Variants in DPP10 observed in about 807,000 individuals in gnomAD.
The protein encoded by DPP10 is dipeptidyl peptidase like 10.
In DPP10, 33 loss-of-function variants were observed where a neutral mutation model predicts 120.9. That is an observed-to-expected ratio of 0.27 (90% CI 0.21 to 0.37). The LOEUF (loss-of-function observed/expected upper bound fraction) is 0.37, where lower values mean the gene tolerates loss of function less well. Ranked by LOEUF, DPP10 falls within the 10% of genes least tolerant of loss-of-function variation. The pLI, the probability that DPP10 is intolerant of heterozygous loss-of-function variation, is 1.00. For synonymous variants in DPP10, 337 were observed against 326.1 expected, an observed-to-expected ratio of 1.03 and a Z score of -0.36; for missense variants, 816 against 942.8, an observed-to-expected ratio of 0.87 and a Z score of 1.76.
Position 115,090,283 on chromosome 2 carries a change from G to A in DPP10, c.61-218956G>A, listed in dbSNP as rs1415610484. ...TTTATCATACGACATTCTGGACAAGGCTCTGTGCATATTTAAAATGTGTAG... is the reference window on the plus strand; with the variant it reads ...TTTATCATACGACATTCTGGACAAGACTCTGTGCATATTTAAAATGTGTAG... On this transcript the variant is annotated intron_variant, in intron 1 of 25. Coordinates refer to ENST00000410059, the MANE Select transcript of DPP10 (RefSeq NM_020868.6). Among the ~76,000 whole-genome samples the A allele has an allele frequency of 4.6e-5, 7 of 152,182 alleles. No homozygotes were observed. In the South Asian group the frequency reaches 1.4e-3, roughly 32 times the overall value.
At chr2:114,912,112 C>T (rs1386783602) in intron 1 of DPP10, among the ~76,000 whole-genome samples, 1 of 152,082 alleles carries the variant, frequency 6.6e-6, no homozygotes, top group Non-Finnish European at 1.5e-5. Context: ...ATTTTATCCT[C>T]ATCTTAGATA....
intron 3 of DPP10, among the ~76,000 whole-genome samples, chr2:115,432,659 T>TTGTGTGTGTG (rs59844767): frequency 0.11 from 15,681 of 137,460 alleles, 1,037 homozygotes; most frequent in South Asian, 0.15. Context: ...ATAGGCAATT[T>TTGTGTGTGTG]TGTGTGTGTG....
chr2:115,468,568 T>G (rs1189299810), intron 3 of DPP10: 1 of 409,628 alleles, frequency 2.4e-6, no homozygotes, highest in Non-Finnish European at 4.7e-6. Flanking sequence ...GTGGGGCTAA[T>G]GTGGTTGATG....
chr2:114,580,282 G>A (rs1690391170), intron 1 of DPP10, among the ~76,000 whole-genome samples: 1 of 152,148 alleles, frequency 6.6e-6, no homozygotes. Context: ...CTCCATACAA[G>A]GTAGACAGTG....
chr2:115,201,984 T>A (rs1187896941), intron 1 of DPP10, among the ~76,000 whole-genome samples: 1 of 152,208 alleles, frequency 6.6e-6, no homozygotes, highest in Non-Finnish European at 1.5e-5. Flanking sequence ...ATGAGGGTAC[T>A]GCATGATTCA....
chr2:114,679,938 G>T (rs1181622322), intron 1 of DPP10, among the ~76,000 whole-genome samples: 1 of 151,976 alleles, frequency 6.6e-6, no homozygotes, highest in African/African-American at 2.4e-5. Flanking sequence ...CAAAGTGCAG[G>T]ATATAGGAAA....
intron 1 of DPP10, among the ~76,000 whole-genome samples, chr2:114,866,678 T>C (rs757373999): frequency 2.0e-5 from 3 of 152,166 alleles, no homozygotes; most frequent in Non-Finnish European, 4.4e-5. Context: ...AGGTGAAAAA[T>C]AAAATGCAAT....
chr2:114,535,568 C>T (rs1686415438), intron 1 of DPP10, among the ~76,000 whole-genome samples: 1 of 152,136 alleles, frequency 6.6e-6, no homozygotes, highest in Non-Finnish European at 1.5e-5. Context: ...AGCGAATGTT[C>T]CTTAACCACA....
rs367903705 is a variant in DPP10, at chr2:115,171,069, C to CTT, written c.61-138168_61-138167dup. Among the ~76,000 whole-genome samples, 790 of 152,232 alleles carry CTT rather than the reference C, an allele frequency of 5.2e-3. 7 individuals carry two copies. Among genetic ancestry groups the CTT allele is most frequent in the African/African-American group, 0.018 (745 of 41,544 alleles). ...TTGATTGACTTTCTGAGAAAGAATA[C>CTT]TTTGATATTGGCTGGGCACAGTGGC... is the stretch of plus-strand genomic sequence containing the variant. On this transcript the variant is annotated intron_variant, in intron 1 of 25. Coordinates refer to ENST00000410059, the MANE Select transcript of DPP10 (RefSeq NM_020868.6).
intron 1 of DPP10, among the ~76,000 whole-genome samples, chr2:115,074,185 T>A (rs534832369): frequency 1.6e-3 from 236 of 152,212 alleles, no homozygotes; most frequent in Non-Finnish European, 2.7e-3. Context: ...ATAACTTTTT[T>A]AAAATTTTTT....
intron 1 of DPP10, among the ~76,000 whole-genome samples, chr2:114,680,311 G>A (rs1410122149): frequency 6.6e-6 from 1 of 151,910 alleles, no homozygotes; most frequent in East Asian, 1.9e-4. Flanking sequence ...AAACTACAGA[G>A]CCATTTTCTC....
Position 115,265,714 on chromosome 2 carries a change from A to AG in DPP10, c.61-43521dup, listed in dbSNP as rs553302012. ...GTGGCCAGGGATAAGGGTCAGGGAA[A>AG]GGGGCAGCTACACATATCTCCAGTA... On this transcript the variant is annotated intron_variant, in intron 1 of 25. Transcript: ENST00000410059. Among the ~76,000 whole-genome samples the AG allele has an allele frequency of 8.5e-5, 13 of 152,272 alleles. No individual in the cohort carries two copies. The South Asian group carries it at 2.5e-3, about 29-fold the overall frequency.
intron 1 of DPP10, among the ~76,000 whole-genome samples, chr2:114,949,300 C>T (rs1460122917): frequency 1.3e-5 from 2 of 152,090 alleles, no homozygotes; most frequent in African/African-American, 4.8e-5. Context: ...GAAGCACCTC[C>T]ATAATCCAGT....
intron 1 of DPP10, among the ~76,000 whole-genome samples, chr2:114,502,044 T>A (rs911112230): frequency 6.6e-6 from 1 of 151,200 alleles, no homozygotes; most frequent in African/African-American, 2.4e-5. Flanking sequence ...CAAGTGGTTC[T>A]CCTGCTTTAG....
chr2:114,766,688 A>G (rs1419679069), intron 1 of DPP10, among the ~76,000 whole-genome samples: 1 of 152,204 alleles, frequency 6.6e-6, no homozygotes, highest in Admixed American at 6.5e-5. Flanking sequence ...AAATATTACA[A>G]ATTGTATAAT....
chr2:115,238,321 C>G (rs1398713624), intron 1 of DPP10, among the ~76,000 whole-genome samples: 4 of 152,156 alleles, frequency 2.6e-5, no homozygotes, highest in Admixed American at 2.6e-4. Flanking sequence ...CGATTGAAAC[C>G]TACTGCTTAA....
chr2:114,732,539 T>A (rs1677021894), intron 1 of DPP10, among the ~76,000 whole-genome samples: 1 of 152,148 alleles, frequency 6.6e-6, no homozygotes, highest in African/African-American at 2.4e-5. Context: ...CAAGAAGGAT[T>A]TAAATTAAGT....
chr2:114,843,307 A>G (rs921029765), intron 1 of DPP10, among the ~76,000 whole-genome samples: 2 of 152,142 alleles, frequency 1.3e-5, no homozygotes, highest in African/African-American at 4.8e-5. Context: ...TCATGTTTCT[A>G]CCAGTGGTCC....
At chr2:115,831,791 T>G (rs569920544) in intron 21 of DPP10, among the ~76,000 whole-genome samples, 5 of 152,308 alleles carry the variant, frequency 3.3e-5, no homozygotes, top group Admixed American at 1.3e-4. Flanking sequence ...TAAATTAAAT[T>G]TAAAAATAAC....
Sources: gnomAD v4.1 joint callset for allele counts (sites outside exome capture counted in the v4.1 genomes callset) on GRCh38, gnomAD v4.1.1 for gene constraint, MANE v1.5 for transcripts, NCBI Gene and HGNC (gene_info 2026-07-23, HGNC 2026-07-21) for gene names.